PTPRM: variants seen among roughly 807,000 people sequenced by gnomAD.
PTPRM encodes the protein protein tyrosine phosphatase receptor type M.
PTPRM carries 47 observed loss-of-function variants against 186.7 expected under a neutral mutation model. That is an observed-to-expected ratio of 0.25 (90% CI 0.20 to 0.32). The LOEUF is 0.32. PTPRM is among the 10% of genes least tolerant of loss of function. PTPRM has a pLI of 1.00. For missense variants in PTPRM, 1,494 were observed against 1,865.0 expected (o/e 0.80, Z 3.66); for synonymous variants, 668 against 674.9 (o/e 0.99, Z 0.16).
At chr18:7,726,552 A>C (rs2144358137) in intron 1 of PTPRM, among the ~76,000 whole-genome samples, 1 of 152,298 alleles carries the variant, frequency 6.6e-6, no homozygotes, top group South Asian at 2.1e-4. Flanking sequence ...TTATGAATAA[A>C]TGAGTGGTGT....
In PTPRM at chr18:8,387,213, G is replaced by A; in HGVS notation, c.4186G>A (p.Gly1396Ser). ...GCAAGAGGAGTACAATGGCGGGGAA[G>A]GCCGCACGGTTGTGCACTGCTTGTA... ...KWQEEYNGGE[G>S]RTVVHCLNGG... The change falls in exon 31 of 33, where the codon GGC (glycine) becomes AGC (serine). Residue 1396 changes from glycine (G) to serine (S), a missense_variant. By Grantham distance (56) the Gly-to-Ser change is moderately conservative. Around this residue, in one of 3 missense-constraint regions of PTPRM, gnomAD observed 1,107 missense variants for 1,350.2 expected, o/e 0.82. Transcript: ENST00000580170. 5 of 1,614,054 alleles carry A rather than the reference G, an allele frequency of 3.1e-6. No homozygotes were observed. The highest frequency in any genetic ancestry group is 3.4e-6 in the Non-Finnish European group (4 of 1,179,952).
At chr18:8,314,893 G>A (rs1050040596) in intron 21 of PTPRM, 36 bp downstream of exon 21, 3 of 1,365,510 alleles carry the variant, frequency 2.2e-6, no homozygotes, top group East Asian at 5.0e-5. Context: ...ATATATAATT[G>A]TTGTACATAT....
At chr18:8,171,545 A>G (rs2093401078) in intron 14 of PTPRM, among the ~76,000 whole-genome samples, 1 of 152,212 alleles carries the variant, frequency 6.6e-6, no homozygotes, top group Non-Finnish European at 1.5e-5. Flanking sequence ...CACAACCAAG[A>G]GAAAACATGG....
chr18:7,714,309 T>C (rs576101425), intron 1 of PTPRM, among the ~76,000 whole-genome samples: 2 of 152,260 alleles, frequency 1.3e-5, no homozygotes, highest in African/African-American at 4.8e-5. Flanking sequence ...AATAAGTTCA[T>C]TGAAACCCAG....
At chr18:8,294,659 A>G (rs1037852024) in intron 19 of PTPRM, among the ~76,000 whole-genome samples, 5 of 152,218 alleles carry the variant, frequency 3.3e-5, no homozygotes, top group African/African-American at 1.2e-4. Flanking sequence ...ACAGCTGTTC[A>G]TATATAGCAC....
chr18:8,281,102 C>G (rs1003332531), intron 19 of PTPRM, among the ~76,000 whole-genome samples: 1 of 152,160 alleles, frequency 6.6e-6, no homozygotes, highest in African/African-American at 2.4e-5. Flanking sequence ...GAAGGAAGGG[C>G]CCCCTGCTCA....
intron 11 of PTPRM, among the ~76,000 whole-genome samples, chr18:8,103,452 T>C (rs1316755581): frequency 6.6e-6 from 1 of 152,256 alleles, no homozygotes; most frequent in African/African-American, 2.4e-5. Flanking sequence ...TTTTATGTTA[T>C]GAAGATGGCT....
intron 11 of PTPRM, among the ~76,000 whole-genome samples, chr18:8,093,490 A>G (rs760996620): frequency 1.3e-5 from 2 of 152,238 alleles, no homozygotes; most frequent in Non-Finnish European, 2.9e-5. Flanking sequence ...CATGAAAAAT[A>G]TAATTATTTC....
At chr18:7,918,519 G>C (rs963528646) in intron 4 of PTPRM, among the ~76,000 whole-genome samples, 1 of 152,036 alleles carries the variant, frequency 6.6e-6, no homozygotes, top group African/African-American at 2.4e-5. Flanking sequence ...TCCTGTACCT[G>C]TTGGCAATTT....
At chr18:8,215,013 C>G (rs983476278) in intron 14 of PTPRM, among the ~76,000 whole-genome samples, 1 of 152,094 alleles carries the variant, frequency 6.6e-6, no homozygotes, top group Non-Finnish European at 1.5e-5. Context: ...TCTTTGACAC[C>G]ATTTTGACCA....
At chr18:8,370,203 A>AG (rs2095655676) in intron 23 of PTPRM, among the ~76,000 whole-genome samples, 1 of 152,078 alleles carries the variant, frequency 6.6e-6, no homozygotes, top group African/African-American at 2.4e-5. Context: ...AAAAAAAAAA[A>AG]AAATACAATT....
chr18:8,223,292 A>G (rs2094176031), intron 14 of PTPRM, among the ~76,000 whole-genome samples: 1 of 152,192 alleles, frequency 6.6e-6, no homozygotes, highest in Non-Finnish European at 1.5e-5. Context: ...ATGCATAGCC[A>G]TGTGGTAGTA....
Position 7,573,139 on chromosome 18 carries a change from A to G in PTPRM, c.73+5248A>G, listed in dbSNP as rs59305905. On this transcript the variant is annotated intron_variant, in intron 1 of 32. Transcript: ENST00000580170. ...TGGGAGTATGTGAGAGAAAAAGACAAAAACAGGATGAGAAGAGAAGTGTTG... is the reference window on the plus strand; with the variant it reads ...TGGGAGTATGTGAGAGAAAAAGACAGAAACAGGATGAGAAGAGAAGTGTTG... 6.1e-3 allele frequency among the ~76,000 whole-genome samples: 935 copies of G among 152,294 alleles called. 47 individuals are homozygous for G. In the East Asian group the frequency reaches 0.12, roughly 20 times the overall value.
intron 2 of PTPRM, among the ~76,000 whole-genome samples, chr18:7,862,260 A>G (rs2047427540): frequency 6.6e-6 from 1 of 152,230 alleles, no homozygotes; most frequent in Non-Finnish European, 1.5e-5. Flanking sequence ...ATATCTAGCA[A>G]TAAGTCTATT....
intron 13 of PTPRM, among the ~76,000 whole-genome samples, chr18:8,127,633 G>A (rs569750047): frequency 6.6e-6 from 1 of 152,202 alleles, no homozygotes; most frequent in South Asian, 2.1e-4. Context: ...CCTTCAGACG[G>A]TGCATACAGT....
At chr18:8,270,092 A>T (rs2094751943) in intron 19 of PTPRM, 1 of 152,096 alleles carries the variant, frequency 6.6e-6, no homozygotes, top group Admixed American at 6.6e-5. Context: ...GGTTTATATC[A>T]AAGTACAAAA....
At chr18:7,990,154 T>C (rs2083187029) in intron 7 of PTPRM, among the ~76,000 whole-genome samples, 1 of 152,210 alleles carries the variant, frequency 6.6e-6, no homozygotes, top group African/African-American at 2.4e-5. Flanking sequence ...TTCACTGGCC[T>C]CAGCCTCCCA....
intron 7 of PTPRM, among the ~76,000 whole-genome samples, chr18:7,984,602 T>TATATATACACAC (rs1214502563): frequency 1.0e-4 from 9 of 87,198 alleles, no homozygotes; most frequent in African/African-American, 3.9e-4. Flanking sequence ...TATATATATA[T>TATATATACACAC]ACACACACAC....
At chr18:8,021,448 A>G in intron 7 of PTPRM, among the ~76,000 whole-genome samples, 1 of 151,704 alleles carries the variant, frequency 6.6e-6, no homozygotes, top group South Asian at 2.1e-4. Context: ...GGTTTGCTGC[A>G]CCTATCAACC....
Sources: gnomAD v4.1 joint callset for allele counts (sites outside exome capture counted in the v4.1 genomes callset) on GRCh38, gnomAD v4.1.1 for gene constraint, gnomAD v4.1.1 regional missense constraint, MANE v1.5 for transcripts, NCBI Gene and HGNC (gene_info 2026-07-23, HGNC 2026-07-21) for gene names.